The following MYO1B variants were observed in gnomAD, a reference collection of about 807,000 sequenced individuals.
MYO1B encodes the protein myosin IB.
A neutral mutation model predicts 159.7 loss-of-function variants in MYO1B; 72 were observed. The ratio of observed to expected loss-of-function variants is 0.45; its 90% CI spans 0.37 to 0.55. The LOEUF is 0.55. MYO1B is among the 20% of genes least tolerant of loss of function. The pLI, the probability that MYO1B is intolerant of heterozygous loss-of-function variation, is 0.00. For synonymous variants in MYO1B, 468 were observed against 473.8 expected, an observed-to-expected ratio of 0.99 and a Z score of 0.16; for missense variants, 1,062 against 1,364.8, an observed-to-expected ratio of 0.78 and a Z score of 3.50.
In MYO1B at chr2:191,276,913, G is replaced by A; in HGVS notation, c.18G>A (p.Val6=). The A allele has an allele frequency of 6.2e-7, 1 of 1,609,924 alleles. No homozygotes were observed. Among genetic ancestry groups the A allele is most frequent in the Non-Finnish European group, 8.5e-7 (1 of 1,178,684 alleles). The change falls in exon 2 of 31, where the codon GTG becomes GTA. Residue 6 remains valine, a synonymous_variant. Transcript: ENST00000392318. Reference sequence around the variant, plus strand: ...TGGAGACCATGGCCAAAATGGAGGTGAAAACCTCACTTCTGGACAATATGA... The same window carrying A: ...TGGAGACCATGGCCAAAATGGAGGTAAAAACCTCACTTCTGGACAATATGA... MAKME[V]KTSLLDNMIG...
chr2:191,325,183 G>A (rs1690972291), intron 3 of MYO1B, among the ~76,000 whole-genome samples: 1 of 152,138 alleles, frequency 6.6e-6, no homozygotes, highest in African/African-American at 2.4e-5. Flanking sequence ...GAAACACCCA[G>A]TTTTAGGACT....
Position 191,390,310 on chromosome 2 carries a change from T to TA in MYO1B, c.1806dup (p.Ala603SerfsTer37). Reference sequence around the variant, plus strand: ...CTTTAAGGTGTATCAAACCGAATGATAAAAAAGCAGCACACATCTTCAACG... The same window carrying TA: ...CTTTAAGGTGTATCAAACCGAATGATAAAAAAAGCAGCACACATCTTCAACG... On this transcript the variant is annotated frameshift_variant, in exon 18 of 31. Transcript: ENST00000392318. LOFTEE classifies it high-confidence loss of function. 6.2e-7 allele frequency: 1 copy of TA among 1,613,554 alleles called. No individual in the cohort carries two copies.
intron 1 of MYO1B, among the ~76,000 whole-genome samples, chr2:191,275,410 T>C (rs116727179): frequency 0.035 from 5,326 of 152,224 alleles, 304 homozygotes; most frequent in African/African-American, 0.12. Flanking sequence ...TAAAAAAGGA[T>C]ATGTTTGTGG....
chr2:191,258,246 C>T (rs1000205822), intron 1 of MYO1B, among the ~76,000 whole-genome samples: 2 of 152,168 alleles, frequency 1.3e-5, no homozygotes, highest in East Asian at 1.9e-4. Context: ...TGTTACCATA[C>T]TGAATATTGT....
At chr2:191,274,558 C>T (rs1687639088) in intron 1 of MYO1B, among the ~76,000 whole-genome samples, 1 of 152,208 alleles carries the variant, frequency 6.6e-6, no homozygotes, top group South Asian at 2.1e-4. Flanking sequence ...TGACTTCCCC[C>T]TTAATCCCTA....
At chr2:191,267,857 T>C (rs1687231993) in intron 1 of MYO1B, among the ~76,000 whole-genome samples, 1 of 152,216 alleles carries the variant, frequency 6.6e-6, no homozygotes, top group African/African-American at 2.4e-5. Flanking sequence ...TGGTGTGTCA[T>C]CGAGGCTCTC....
At chr2:191,419,398 T>G (rs1697790941) in intron 30 of MYO1B, among the ~76,000 whole-genome samples, 1 of 152,020 alleles carries the variant, frequency 6.6e-6, no homozygotes. Flanking sequence ...TTTTGTACTT[T>G]TAGTAGAGGT....
At chr2:191,287,260 G>C (rs947371113) in intron 2 of MYO1B, among the ~76,000 whole-genome samples, 25 of 152,092 alleles carry the variant, frequency 1.6e-4, no homozygotes, top group African/African-American at 4.6e-4. Flanking sequence ...AGGCGCGGTG[G>C]CTCACGCCTG....
chr2:191,278,750 G>A (rs1327920169), intron 2 of MYO1B, among the ~76,000 whole-genome samples: 2 of 152,260 alleles, frequency 1.3e-5, no homozygotes, highest in African/African-American at 4.8e-5. Context: ...CCCTCCAAGC[G>A]TAGCAGTTCT....
Position 191,411,061 on chromosome 2 carries a change from C to T in MYO1B, c.2767-5C>T. 1 of 1,533,846 alleles carries T rather than the reference C, an allele frequency of 6.5e-7. No homozygotes were observed. Among genetic ancestry groups the T allele is most frequent in the East Asian group, 2.3e-5 (1 of 44,202 alleles). On this transcript the variant is annotated splice_region_variant and splice_polypyrimidine_tract_variant and intron_variant, in intron 26 of 30. Transcript: ENST00000392318. ...GTTTTGTTTCTTTCTTCTCATATCT[C>T]ACAGTGTAAAAAATACAGGGACCAA...
In MYO1B at chr2:191,402,323, G is replaced by A. The variant is rs1048420786; in HGVS notation, c.2470-309G>A. 3.3e-5 allele frequency: 12 copies of A among 362,726 alleles called. No individual in the cohort carries two copies. The East Asian group carries it at 7.4e-4, about 23-fold the overall frequency. The allele number at this position is 362,726 out of a possible 1,614,324, so 22.5% of individuals were successfully genotyped here. A position where few individuals can be genotyped will look rare whatever the true frequency, so the allele number is the denominator to read the frequency against. ...TGATATGGGAGTGAAAGAGTGTGGA[G>A]AAGGCAGCGAACAGAGAGAGAGAAC... On this transcript the variant is annotated intron_variant, in intron 23 of 30. Transcript: ENST00000392318.
intron 1 of MYO1B, among the ~76,000 whole-genome samples, chr2:191,273,821 G>T (rs1020332483): frequency 6.6e-6 from 1 of 152,288 alleles, no homozygotes; most frequent in South Asian, 2.1e-4. Flanking sequence ...AGCCCCATGC[G>T]AATTCTTCTA....
intron 3 of MYO1B, among the ~76,000 whole-genome samples, chr2:191,319,838 ATGAAGTTAAATC>A (rs1440989109): frequency 1.5e-4 from 23 of 152,316 alleles, no homozygotes; most frequent in Admixed American, 1.0e-3. Flanking sequence ...GTTTAAATGT[ATGAAGTTAAATC>A]TGGCTACAAG....
At chr2:191,305,425 G>A (rs1227705527) in intron 3 of MYO1B, among the ~76,000 whole-genome samples, 2 of 152,328 alleles carry the variant, frequency 1.3e-5, no homozygotes, top group Admixed American at 1.3e-4. Flanking sequence ...GGCCACCACA[G>A]GGGTAGAAAC....
chr2:191,288,867 A>T (rs867102957), intron 2 of MYO1B, among the ~76,000 whole-genome samples: 1 of 152,236 alleles, frequency 6.6e-6, no homozygotes, highest in African/African-American at 2.4e-5. Context: ...TTACTTTTGC[A>T]CCAGCCCAAT....
chr2:191,360,854 G>T, intron 8 of MYO1B, 125 bp downstream of exon 8: 1 of 634,282 alleles, frequency 1.6e-6, no homozygotes, highest in Admixed American at 2.8e-5. Context: ...CGATTCTCCT[G>T]CCTTGGCTTC....
chr2:191,286,661 C>T (rs766599782), intron 2 of MYO1B, among the ~76,000 whole-genome samples: 3 of 152,148 alleles, frequency 2.0e-5, no homozygotes, highest in East Asian at 1.9e-4. Context: ...GGTTGGGTGC[C>T]GTGGCTAATG....
intron 4 of MYO1B, among the ~76,000 whole-genome samples, chr2:191,334,823 A>G (rs1276841164): frequency 6.6e-6 from 1 of 152,208 alleles, no homozygotes; most frequent in Non-Finnish European, 1.5e-5. Flanking sequence ...TCTCATGTTC[A>G]TCATTACTAG....
chr2:191,400,635 T>A, intron 22 of MYO1B, 114 bp from the exon 23 acceptor site: 1 of 1,360,026 alleles, frequency 7.4e-7, no homozygotes, highest in Non-Finnish European at 1.0e-6. Flanking sequence ...CACATGCTTT[T>A]GCGTTTACCA....
Sources: allele counts gnomAD v4.1 joint callset (sites outside exome capture counted in the v4.1 genomes callset), GRCh38; gene constraint gnomAD v4.1.1; transcripts MANE v1.5; gene names NCBI Gene and HGNC (gene_info 2026-07-23, HGNC 2026-07-21).